Variants in JMJD1C observed in about 807,000 individuals in gnomAD.
JMJD1C encodes the protein jumonji domain containing 1C.
Under a neutral mutation model 245.3 loss-of-function variants are expected in JMJD1C, and 31 were observed. The ratio of observed to expected loss-of-function variants is 0.13; its 90% CI spans 0.09 to 0.17. JMJD1C has a LOEUF of 0.17. Among genes scored for constraint, JMJD1C ranks in the 10% least tolerant of loss-of-function variants. The probability of loss-of-function intolerance (pLI) is 1.00; values close to 1 mark genes in which losing one functional copy is unlikely to be tolerated. For missense variants in JMJD1C, 2,691 were observed against 3,000.2 expected, an observed-to-expected ratio of 0.90 and a Z score of 2.41; for synonymous variants, 1,057 against 1,017.4, an observed-to-expected ratio of 1.04 and a Z score of -0.74.
At chr10:63,394,112 G>A (rs1173477008) in intron 1 of JMJD1C, among the ~76,000 whole-genome samples, 1 of 151,564 alleles carries the variant, frequency 6.6e-6, no homozygotes, top group Non-Finnish European at 1.5e-5. Context: ...GCTTGAATCC[G>A]GGAGGTAGTG....
At chr10:63,197,821 G>A (rs1389703504) in intron 12 of JMJD1C, among the ~76,000 whole-genome samples, 1 of 152,218 alleles carries the variant, frequency 6.6e-6, no homozygotes, top group Non-Finnish European at 1.5e-5. Context: ...ATTTTAGGTT[G>A]AATAATTCTT....
At chr10:63,176,568 TTTC>T in intron 23 of JMJD1C, 95 bp from the exon 24 acceptor site, 1 of 910,100 alleles carries the variant, frequency 1.1e-6, no homozygotes, top group Non-Finnish European at 1.7e-6. Flanking sequence ...TAACAAATCT[TTTC>T]TTCTCAGAAT....
chr10:63,215,529 AT>A lies in JMJD1C; in HGVS notation c.822+23del, dbSNP rs778555230. 35 of 1,607,358 alleles carry A rather than the reference AT, an allele frequency of 2.2e-5. 1 individual carries two copies. The South Asian group carries it at 3.7e-4, about 17-fold the overall frequency. ...GCCTAAGGAAAAATATTTTACAGAA[AT>A]TCATCCCTAATAACATACATACGTG... is the stretch of plus-strand genomic sequence containing the variant. On this transcript the variant is annotated intron_variant, in intron 6 of 25. Coordinates refer to ENST00000399262, the MANE Select transcript of JMJD1C (RefSeq NM_032776.3).
At chr10:63,340,059 C>CAATA (rs71025161) in intron 2 of JMJD1C, among the ~76,000 whole-genome samples, 100,222 of 150,956 alleles carry the variant, frequency 0.66, 35,858 homozygotes, top group Non-Finnish European at 0.81. Context: ...GACTTCATTT[C>CAATA]AATAAATAAA....
intron 3 of JMJD1C, among the ~76,000 whole-genome samples, chr10:63,247,360 A>G (rs932784842): frequency 2.6e-5 from 4 of 152,138 alleles, no homozygotes; most frequent in Admixed American, 6.5e-5. Context: ...GGATAAATTC[A>G]TGGACACACA....
intron 1 of JMJD1C, among the ~76,000 whole-genome samples, chr10:63,503,807 G>C (rs1049509182): frequency 2.6e-5 from 4 of 152,084 alleles, no homozygotes; most frequent in Non-Finnish European, 4.4e-5. Flanking sequence ...GACAACTTTC[G>C]TAGTTCTGCC....
intron 3 of JMJD1C, among the ~76,000 whole-genome samples, chr10:63,257,430 C>T (rs1456837597): frequency 6.6e-6 from 1 of 152,004 alleles, no homozygotes; most frequent in Non-Finnish European, 1.5e-5. Flanking sequence ...ATAATTAGGG[C>T]TTGATTCGTT....
intron 1 of JMJD1C, among the ~76,000 whole-genome samples, chr10:63,389,911 T>C (rs1947920233): frequency 6.6e-6 from 1 of 152,042 alleles, no homozygotes; most frequent in East Asian, 1.9e-4. Context: ...AAGATGGAAG[T>C]TCATAATTAA....
intron 1 of JMJD1C, among the ~76,000 whole-genome samples, chr10:63,476,498 G>C (rs1953665817): frequency 6.6e-6 from 1 of 151,944 alleles, no homozygotes; most frequent in Non-Finnish European, 1.5e-5. Context: ...GGAGACAAGA[G>C]GATCAGCTGA....
rs549725578 is a variant in JMJD1C at position 63,496,816 on chromosome 10, G to GT, written n.113+24921dup. Among the ~76,000 whole-genome samples, 21 of 152,288 alleles carry GT rather than the reference G, an allele frequency of 1.4e-4. No homozygotes were observed. The East Asian group carries it at 3.9e-3, about 28-fold the overall frequency. On this transcript the variant is annotated intron_variant and non_coding_transcript_variant, in intron 1 of 3. Coordinates refer to the JMJD1C transcript ENST00000633035. The stretch of plus-strand genomic sequence containing the variant: ...AGACCAGTGAAATGTGACCAGAAAC[G>GT]TGACATATGTCAGTTCTGAGCAAAG...
chr10:63,380,877 A>G (rs538752178), intron 1 of JMJD1C, among the ~76,000 whole-genome samples: 18 of 152,296 alleles, frequency 1.2e-4, no homozygotes, highest in East Asian at 7.7e-4. Context: ...TCAAAACACT[A>G]TAAGTAGATC....
intron 24 of JMJD1C, among the ~76,000 whole-genome samples, chr10:63,169,038 G>A (rs775125150): frequency 6.6e-6 from 1 of 152,162 alleles, no homozygotes; most frequent in Non-Finnish European, 1.5e-5. Flanking sequence ...TAGGAACTGG[G>A]ATGGAAAATG....
intron 18 of JMJD1C, among the ~76,000 whole-genome samples, chr10:63,187,523 G>C (rs1000807823): frequency 3.9e-5 from 6 of 152,022 alleles, no homozygotes; most frequent in African/African-American, 1.4e-4. Flanking sequence ...CCACAGCCTG[G>C]ACTTACTGGG....
intron 2 of JMJD1C, among the ~76,000 whole-genome samples, chr10:63,322,641 C>A (rs753009510): frequency 2.6e-5 from 4 of 151,588 alleles, no homozygotes. Context: ...GGTGAAACCC[C>A]GTCTCTACTA....
At chr10:63,197,342 A>C in intron 13 of JMJD1C, 69 bp downstream of exon 13, 1 of 1,293,168 alleles carries the variant, frequency 7.7e-7, no homozygotes, top group South Asian at 1.4e-5. Flanking sequence ...AACACATCTC[A>C]TGTTCTAGAA....
At chr10:63,514,049 T>C (rs1954948251) in intron 1 of JMJD1C, among the ~76,000 whole-genome samples, 1 of 152,120 alleles carries the variant, frequency 6.6e-6, no homozygotes, top group Admixed American at 6.5e-5. Flanking sequence ...TCACTAATTA[T>C]CAGAGAAATG....
intron 2 of JMJD1C, among the ~76,000 whole-genome samples, chr10:63,333,406 A>G (rs1332923231): frequency 6.6e-6 from 1 of 152,080 alleles, no homozygotes; most frequent in African/African-American, 2.4e-5. Flanking sequence ...AATAAGAAAA[A>G]TTAGCCAGCC....
chr10:63,385,993 T>C (rs1365361554), intron 1 of JMJD1C, among the ~76,000 whole-genome samples: 1 of 152,098 alleles, frequency 6.6e-6, no homozygotes, highest in African/African-American at 2.4e-5. Flanking sequence ...CTTAAATAGA[T>C]ACACTGTGTT....
chr10:63,300,361 CTTTG>C (rs1277778445), intron 2 of JMJD1C, among the ~76,000 whole-genome samples: 3 of 151,740 alleles, frequency 2.0e-5, no homozygotes, highest in Non-Finnish European at 2.9e-5. Context: ...GGGAAGCTAT[CTTTG>C]TTTGTCTAGA....
Sources: gnomAD v4.1 joint callset for allele counts (sites outside exome capture counted in the v4.1 genomes callset) on GRCh38, gnomAD v4.1.1 for gene constraint, MANE v1.5 for transcripts, NCBI Gene and HGNC (gene_info 2026-07-23, HGNC 2026-07-21) for gene names.